Variants in LOC128462377 observed in about 807,000 individuals in gnomAD.
chr16:89,415,850 A>AAAAAAAAAAAAAAAAAAAC, the LOC128462377 span, among the ~76,000 whole-genome samples: 1 of 147,384 alleles, frequency 6.8e-6, no homozygotes, highest in Non-Finnish European at 1.5e-5. Flanking sequence ...AAAAAAAAAA[A>AAAAAAAAAAAAAAAAAAAC]CAATGGAGAA....
At chr16:89,340,378 AG>A in the LOC128462377 span, among the ~76,000 whole-genome samples, 1 of 152,220 alleles carries the variant, frequency 6.6e-6, no homozygotes, top group Non-Finnish European at 1.5e-5. Context: ...CCCGGGTTCA[AG>A]CGGTTCTCCT....
chr16:89,411,402 G>A, the LOC128462377 span, among the ~76,000 whole-genome samples: 3 of 152,350 alleles, frequency 2.0e-5, no homozygotes, highest in South Asian at 2.1e-4. Context: ...TCTTGCTGTC[G>A]AGATGGTCTA....
chr16:89,332,835 G>A, the LOC128462377 span, among the ~76,000 whole-genome samples: 2 of 152,206 alleles, frequency 1.3e-5, no homozygotes. Flanking sequence ...CCTTAGAAAC[G>A]TCCATTTCTT....
the LOC128462377 span, among the ~76,000 whole-genome samples, chr16:89,347,543 G>A: frequency 1.3e-5 from 2 of 151,576 alleles, no homozygotes; most frequent in African/African-American, 4.9e-5. Context: ...CCTGGGAGAT[G>A]GAGGTTGCAG....
chr16:89,407,010 C>T, the LOC128462377 span, among the ~76,000 whole-genome samples: 53 of 152,086 alleles, frequency 3.5e-4, no homozygotes, highest in Non-Finnish European at 7.2e-4. Context: ...TATGGTGAAA[C>T]CCTGTCTCTA....
the LOC128462377 span, among the ~76,000 whole-genome samples, chr16:89,326,197 C>A: frequency 6.6e-6 from 1 of 152,122 alleles, no homozygotes; most frequent in Non-Finnish European, 1.5e-5. Flanking sequence ...AAGGCAGGGA[C>A]GGCAGATGGA....
chr16:89,325,603 C>T, the LOC128462377 span, among the ~76,000 whole-genome samples: 9 of 152,296 alleles, frequency 5.9e-5, no homozygotes, highest in East Asian at 7.7e-4. Flanking sequence ...ATCCGCGAAG[C>T]GTGGAAAATG....
chr16:89,403,181 A>G, the LOC128462377 span, among the ~76,000 whole-genome samples: 15 of 151,914 alleles, frequency 9.9e-5, no homozygotes, highest in Non-Finnish European at 1.8e-4. Flanking sequence ...TGGCAGGTGG[A>G]CCCCGCACTC....
At chr16:89,387,773 C>A in the LOC128462377 span, among the ~76,000 whole-genome samples, 2 of 150,248 alleles carry the variant, frequency 1.3e-5, no homozygotes, top group African/African-American at 4.9e-5. Context: ...GAGGCTGAGG[C>A]AGGTGAATCA....
At chr16:89,414,346 T>C in the LOC128462377 span, among the ~76,000 whole-genome samples, 1 of 152,072 alleles carries the variant, frequency 6.6e-6, no homozygotes, top group Non-Finnish European at 1.5e-5. Context: ...AACACCCACA[T>C]GTTGCAAGGG....
At chr16:89,392,916 C>T in the LOC128462377 span, among the ~76,000 whole-genome samples, 1 of 151,960 alleles carries the variant, frequency 6.6e-6, no homozygotes. Flanking sequence ...ACCTTGGGAC[C>T]TGCCTGCATC....
At chr16:89,339,495 G>T in the LOC128462377 span, among the ~76,000 whole-genome samples, 2 of 152,222 alleles carry the variant, frequency 1.3e-5, no homozygotes, top group South Asian at 4.1e-4. Context: ...CATGTGAAGA[G>T]TCAGATATAA....
the LOC128462377 span, among the ~76,000 whole-genome samples, chr16:89,403,336 G>A: frequency 6.6e-6 from 1 of 152,128 alleles, no homozygotes; most frequent in Non-Finnish European, 1.5e-5. Context: ...CCTCCTGACT[G>A]GCCCCAGCAC....
At chr16:89,359,392 G>A in the LOC128462377 span, among the ~76,000 whole-genome samples, 7 of 152,274 alleles carry the variant, frequency 4.6e-5, no homozygotes, top group South Asian at 6.2e-4. Flanking sequence ...CCAGCTCCTG[G>A]AGCCAGCCCC....
the LOC128462377 span, chr16:89,370,534 A>G: frequency 3.3e-5 from 5 of 152,224 alleles, no homozygotes; most frequent in African/African-American, 1.2e-4. Flanking sequence ...GCTGGAGCAC[A>G]CCTCCTGCTG....
chr16:89,372,701 C>T, the LOC128462377 span, among the ~76,000 whole-genome samples: 1 of 152,186 alleles, frequency 6.6e-6, no homozygotes, highest in Admixed American at 6.5e-5. Context: ...CCGAGCTGGT[C>T]AAATGCTAGT....
the LOC128462377 span, among the ~76,000 whole-genome samples, chr16:89,354,855 C>G: frequency 1.3e-5 from 2 of 152,132 alleles, no homozygotes; most frequent in Non-Finnish European, 2.9e-5. Context: ...CCTCTGCACT[C>G]CAGCCTGGGA....
chr16:89,362,447 T>C, the LOC128462377 span, among the ~76,000 whole-genome samples: 1 of 152,082 alleles, frequency 6.6e-6, no homozygotes, highest in Admixed American at 6.5e-5. Context: ...CAGAATGAAG[T>C]GAACAGCACT....
chr16:89,324,574 G>A, the LOC128462377 span: 5 of 452,902 alleles, frequency 1.1e-5, no homozygotes, highest in African/African-American at 8.0e-5. Flanking sequence ...CCCTCCATCT[G>A]GGGGGGCATG....
Sources: gnomAD v4.1 joint callset for allele counts (sites outside exome capture counted in the v4.1 genomes callset) on GRCh38, gnomAD v4.1.1 for gene constraint, MANE v1.5 for transcripts.